Variants in KLHL8 observed in about 807,000 individuals in gnomAD.
The protein encoded by KLHL8 is kelch-like protein 8.
In KLHL8, 38 loss-of-function variants were observed where a neutral mutation model predicts 63.5. The observed-to-expected ratio is 0.60, with a 90% confidence interval of 0.46 to 0.78. The LOEUF (loss-of-function observed/expected upper bound fraction) is 0.78. Ranked by LOEUF, KLHL8 falls within the 30% of genes least tolerant of loss-of-function variation. The pLI is 0.00. For synonymous variants in KLHL8, 224 were observed against 254.3 expected (o/e 0.88, Z 1.13); for missense variants, 566 against 752.4 (o/e 0.75, Z 2.90).
chr4:87,188,436 T>C (rs1377150052), intron 2 of KLHL8, among the ~76,000 whole-genome samples: 8 of 152,212 alleles, frequency 5.3e-5, no homozygotes, highest in Admixed American at 4.6e-4. Context: ...TACAAATCAA[T>C]GGCCGGCAAG....
In KLHL8 at chr4:87,207,587, T is replaced by C. The variant is rs1158825229; in HGVS notation, c.-151-11897A>G. 1.3e-5 allele frequency: 16 copies of C among 1,198,932 alleles called. No individual in the cohort carries two copies. The South Asian group carries it at 1.7e-4, about 13-fold the overall frequency. The allele number at this position is 1,198,932 out of a possible 1,614,324, so 74.3% of individuals were successfully genotyped here. On this transcript the variant is annotated intron_variant, in intron 1 of 9. Transcript: ENST00000273963. ...CTGGCCAATGTCATCCATGACAACTTTGGTATCGTGGAAGGACTCATGACT... is the reference window on the plus strand; with the variant it reads ...CTGGCCAATGTCATCCATGACAACTCTGGTATCGTGGAAGGACTCATGACT...
chr4:87,168,799 CATATATAT>C (rs1182378124), intron 8 of KLHL8, among the ~76,000 whole-genome samples: 19 of 27,496 alleles, frequency 6.9e-4, no homozygotes, highest in Non-Finnish European at 9.1e-4. Flanking sequence ...TATATACACA[CATATATAT>C]ACACACACAT....
chr4:87,183,202 C>CCAG lies in KLHL8; in HGVS notation c.950_952dup (p.Ala317dup), dbSNP rs1370543814. ...GAGAATTGACAAAATAATTTGGTTA[C>CCAG]CAGCAGTATGCTTCCTTGGGGTAGT... On this transcript the variant is annotated inframe_insertion and splice_region_variant. Transcript: ENST00000273963. 6.3e-7 allele frequency: 1 copy of CCAG among 1,581,656 alleles called. No individual in the cohort carries two copies. The highest frequency in any genetic ancestry group is 1.7e-5 in the Admixed American group (1 of 57,318).
At chr4:87,214,460 A>ATATATATC (rs1732523462) in intron 1 of KLHL8, among the ~76,000 whole-genome samples, 1 of 126,048 alleles carries the variant, frequency 7.9e-6, no homozygotes. Flanking sequence ...ATATATATAT[A>ATATATATC]ATTGTCATCA....
intron 1 of KLHL8, among the ~76,000 whole-genome samples, chr4:87,237,832 AT>A (rs1733258518): frequency 6.6e-6 from 1 of 152,116 alleles, no homozygotes; most frequent in Non-Finnish European, 1.5e-5. Flanking sequence ...GTCCCTAATA[AT>A]AATAATACAG....
chr4:87,230,045 T>C lies in KLHL8; in HGVS notation n.58-8655A>G, dbSNP rs549951130. ...AGTCAGGTCACTGGCAGAAAACTCA[T>C]GGCACACTTCAGCAATTTGAGGAGA... On this transcript the variant is annotated intron_variant and non_coding_transcript_variant, in intron 1 of 1. Transcript: ENST00000506274. Among the ~76,000 whole-genome samples the C allele has an allele frequency of 6.6e-5, 10 of 152,240 alleles. No individual in the cohort carries two copies. In the East Asian group the frequency reaches 1.7e-3, roughly 26 times the overall value.
chr4:87,212,586 G>GA lies in KLHL8; in HGVS notation c.-152+7831dup, dbSNP rs551344649. ...ACACAGTGAGACCTTATCTCAAAAAGAAAAAAAAAAATTTTCTTAACAATA... is the reference window on the plus strand; with the variant it reads ...ACACAGTGAGACCTTATCTCAAAAAGAAAAAAAAAAAATTTTCTTAACAATA... On this transcript the variant is annotated intron_variant, in intron 1 of 9. Transcript: ENST00000273963. Among the ~76,000 whole-genome samples, 1,197 of 145,954 alleles carry GA rather than the reference G, an allele frequency of 8.2e-3. 52 individuals carry two copies. The highest frequency in any genetic ancestry group is 0.071 in the Admixed American group (1,047 of 14,724).
At chr4:87,207,925 G>T in intron 1 of KLHL8, 2 of 1,198,436 alleles carry the variant, frequency 1.7e-6, no homozygotes, top group Non-Finnish European at 1.2e-6. Flanking sequence ...TGAGCACCAG[G>T]CTGTCTCCTC....
chr4:87,224,321 T>A (rs1337292458), upstream of KLHL8, among the ~76,000 whole-genome samples: 1 of 152,196 alleles, frequency 6.6e-6, no homozygotes, highest in African/African-American at 2.4e-5. Context: ...GAATTTCAGA[T>A]GTGGGCTGGA....
At position 87,162,570 on chromosome 4, in the gene KLHL8, TAC is replaced by T. The variant is rs1438707614; in HGVS notation, c.*947_*948del. The T allele has an allele frequency of 8.5e-5, 13 of 152,184 alleles. No individual in the cohort carries two copies. The highest frequency in any genetic ancestry group is 4.6e-4 in the Admixed American group (7 of 15,282). 9.4% of individuals were successfully genotyped at this position (152,184 alleles called of 1,614,324 possible). A position where few individuals can be genotyped will look rare whatever the true frequency, so the allele number is the denominator to read the frequency against. On this transcript the variant is annotated 3_prime_UTR_variant, in exon 10 of 10. Coordinates refer to ENST00000273963, the MANE Select transcript of KLHL8 (RefSeq NM_020803.5). ...AATAAATAAATGCAGATTGATTCTG[TAC>T]AGTCAGAAAAACCAGGATGGTGGCA...
upstream of KLHL8, among the ~76,000 whole-genome samples, chr4:87,225,153 C>T (rs1732950735): frequency 6.6e-6 from 1 of 152,030 alleles, no homozygotes; most frequent in African/African-American, 2.4e-5. Context: ...GTTCCTTCTA[C>T]CCCTTTGCCT....
At chr4:87,210,680 T>C (rs1036211256) in intron 1 of KLHL8, among the ~76,000 whole-genome samples, 2 of 152,178 alleles carry the variant, frequency 1.3e-5, no homozygotes, top group Non-Finnish European at 2.9e-5. Context: ...CCCCACCCCA[T>C]GTTCCATAGA....
At chr4:87,212,086 T>C (rs1017433094) in intron 1 of KLHL8, among the ~76,000 whole-genome samples, 1 of 152,128 alleles carries the variant, frequency 6.6e-6, no homozygotes, top group African/African-American at 2.4e-5. Flanking sequence ...TCCTTATTAA[T>C]CAATGAAATT....
intron 6 of KLHL8, among the ~76,000 whole-genome samples, chr4:87,171,613 G>C (rs961003451): frequency 6.6e-6 from 1 of 152,160 alleles, no homozygotes; most frequent in Non-Finnish European, 1.5e-5. Flanking sequence ...AACGATGTTA[G>C]GTCAGGGAAA....
At chr4:87,176,689 A>C in intron 6 of KLHL8, 68 bp downstream of exon 6, 95 of 839,140 alleles carry the variant, frequency 1.1e-4, no homozygotes, top group Non-Finnish European at 1.8e-4. Context: ...AGTTTAAAAT[A>C]AGGCCTTTAA....
chr4:87,217,344 G>A (rs1732634046), intron 1 of KLHL8, among the ~76,000 whole-genome samples: 1 of 151,452 alleles, frequency 6.6e-6, no homozygotes, highest in Non-Finnish European at 1.5e-5. Context: ...TTTTTTTGGG[G>A]GTGGGGGGAA....
intron 1 of KLHL8, among the ~76,000 whole-genome samples, chr4:87,200,788 G>A (rs528766688): frequency 1.8e-4 from 28 of 152,252 alleles, no homozygotes; most frequent in Admixed American, 1.7e-3. Context: ...CCACTTCTAG[G>A]TATATATCCA....
chr4:87,181,082 A>C (rs1401065803), intron 4 of KLHL8, among the ~76,000 whole-genome samples: 1 of 151,950 alleles, frequency 6.6e-6, no homozygotes, highest in Non-Finnish European at 1.5e-5. Flanking sequence ...AACTGTGAAG[A>C]TCATTTAGTC....
intron 1 of KLHL8, among the ~76,000 whole-genome samples, chr4:87,208,927 A>G (rs1025029261): frequency 1.3e-5 from 2 of 152,158 alleles, no homozygotes; most frequent in African/African-American, 4.8e-5. Context: ...TCAGATTTGG[A>G]TAGGACACAA....
Sources: gnomAD v4.1 joint callset for allele counts (sites outside exome capture counted in the v4.1 genomes callset) on GRCh38, gnomAD v4.1.1 for gene constraint, MANE v1.5 for transcripts, NCBI Gene and HGNC (gene_info 2026-07-23, HGNC 2026-07-21) for gene names.